The following AFDN variants were observed in gnomAD, a reference collection of about 807,000 sequenced individuals.
AFDN encodes the protein afadin.
AFDN carries 68 observed loss-of-function variants against 216.6 expected under a neutral mutation model. That is an observed-to-expected ratio of 0.31 (90% confidence interval 0.26 to 0.38). The LOEUF (loss-of-function observed/expected upper bound fraction) is 0.38. AFDN is among the 10% of genes least tolerant of loss of function. The probability of loss-of-function intolerance (pLI) is 1.00; values close to 1 mark genes in which losing one functional copy is unlikely to be tolerated. For missense variants in AFDN, 2,136 were observed against 2,342.0 expected, an observed-to-expected ratio of 0.91 and a Z score of 1.82; for synonymous variants, 868 against 853.7, an observed-to-expected ratio of 1.02 and a Z score of -0.29.
chr6:167,958,404 C>T (rs1462486241), intron 30 of AFDN, among the ~76,000 whole-genome samples: 3 of 152,208 alleles, frequency 2.0e-5, no homozygotes, highest in Non-Finnish European at 4.4e-5. Flanking sequence ...ATTCATATTA[C>T]GTGCCCTTTC....
chr6:167,901,250 C>T (rs1326192672), intron 11 of AFDN, among the ~76,000 whole-genome samples: 1 of 152,022 alleles, frequency 6.6e-6, no homozygotes, highest in African/African-American at 2.4e-5. Context: ...TGCAGAAATC[C>T]AGGAAATTTA....
chr6:167,862,626 C>T (rs574112136), intron 1 of AFDN, among the ~76,000 whole-genome samples: 74 of 152,352 alleles, frequency 4.9e-4, no homozygotes, highest in Non-Finnish European at 9.0e-4. Context: ...CCGCCCACCT[C>T]GGCCTCCCGA....
chr6:167,910,371 A>G (rs1387640970), intron 13 of AFDN, among the ~76,000 whole-genome samples: 5 of 152,244 alleles, frequency 3.3e-5, no homozygotes, highest in African/African-American at 1.2e-4. Context: ...TTTTGAATTA[A>G]TTTGATCTGA....
intron 1 of AFDN, among the ~76,000 whole-genome samples, chr6:167,849,615 G>T (rs755573053): frequency 1.3e-5 from 2 of 152,044 alleles, no homozygotes; most frequent in African/African-American, 2.4e-5. Flanking sequence ...CTTACCTAAA[G>T]AATTTGTTTC....
intron 10 of AFDN, among the ~76,000 whole-genome samples, chr6:167,897,891 A>G (rs1401407258): frequency 1.3e-5 from 2 of 151,926 alleles, no homozygotes; most frequent in African/African-American, 2.4e-5. Context: ...TGATCCGCCC[A>G]TCTCGGCCTC....
intron 4 of AFDN, among the ~76,000 whole-genome samples, chr6:167,873,342 C>G (rs1455319217): frequency 6.6e-6 from 1 of 152,140 alleles, no homozygotes; most frequent in African/African-American, 2.4e-5. Context: ...TGGATTTTCA[C>G]TTGATATTTT....
chr6:167,944,121 A>C lies in AFDN; in HGVS notation c.3358+62A>C, dbSNP rs116095459. The stretch of plus-strand genomic sequence containing the variant: ...CATGGCCTCTTTGAATGGTCACAAA[A>C]CCCCCATGGAGGAGGTACTGGTGTT... On this transcript the variant is annotated intron_variant, in intron 26 of 33. Coordinates refer to ENST00000683244, the MANE Select transcript of AFDN (RefSeq NM_001386888.1). 2.3e-3 allele frequency: 3,000 copies of C among 1,293,318 alleles called. 61 individuals are homozygous for C. The African/African-American group carries it at 0.037, about 16-fold the overall frequency. 80.1% of individuals were successfully genotyped at this position (1,293,318 alleles called of 1,614,324 possible). A position where few individuals can be genotyped will look rare whatever the true frequency, so the allele number is the denominator to read the frequency against.
intron 20 of AFDN, among the ~76,000 whole-genome samples, chr6:167,918,349 C>G (rs1275750010): frequency 6.6e-6 from 1 of 152,172 alleles, no homozygotes; most frequent in Non-Finnish European, 1.5e-5. Context: ...GGGCTTTTCC[C>G]TATATCATTA....
intron 21 of AFDN, among the ~76,000 whole-genome samples, chr6:167,919,235 C>T (rs551291479): frequency 6.6e-6 from 1 of 152,346 alleles, no homozygotes; most frequent in Admixed American, 6.5e-5. Flanking sequence ...GTTCTCCCTT[C>T]TTGGTATTTT....
chr6:167,870,322 G>T, intron 2 of AFDN, 64 bp from the exon 3 acceptor site: 1 of 952,402 alleles, frequency 1.0e-6, no homozygotes, highest in Non-Finnish European at 1.6e-6. Context: ...CAGAATGCTT[G>T]TATTAGCTAG....
intron 1 of AFDN, among the ~76,000 whole-genome samples, chr6:167,859,611 G>A (rs1223644674): frequency 6.6e-6 from 1 of 152,156 alleles, no homozygotes; most frequent in Non-Finnish European, 1.5e-5. Flanking sequence ...TTATCAAAAG[G>A]AGGTTTAGGG....
intron 33 of AFDN, 23 bp downstream of exon 33, chr6:167,969,221 A>G: frequency 4.4e-6 from 7 of 1,583,212 alleles, no homozygotes; most frequent in Non-Finnish European, 5.2e-6. Context: ...GCACTAGACG[A>G]GGAACTTCAT....
chr6:167,913,560 C>A, intron 16 of AFDN, 137 bp downstream of exon 16: 1 of 757,054 alleles, frequency 1.3e-6, no homozygotes, highest in Admixed American at 2.6e-5. Flanking sequence ...ACATGCAGTA[C>A]TAAAACCCTT....
At chr6:167,931,450 A>G (rs1333166186) in intron 23 of AFDN, among the ~76,000 whole-genome samples, 1 of 152,182 alleles carries the variant, frequency 6.6e-6, no homozygotes, top group Non-Finnish European at 1.5e-5. Flanking sequence ...GGATGTCAGC[A>G]TATAGATGCT....
chr6:167,947,018 AG>A, intron 27 of AFDN, 117 bp downstream of exon 27: 1 of 894,210 alleles, frequency 1.1e-6, no homozygotes. Flanking sequence ...TTGGCTAACT[AG>A]GATATGGTTT....
rs1305406729 is a variant in AFDN, at chr6:167,907,150, T to G, written c.1651-21T>G. 5 of 1,597,446 alleles carry G rather than the reference T, an allele frequency of 3.1e-6. No homozygotes were observed. The Admixed American group carries it at 5.0e-5, about 16-fold the overall frequency. The stretch of plus-strand genomic sequence containing the variant: ...TGGTCTGTGTGAGGTTCTAAACCCG[T>G]TGTGCTTTCTCTCCATGTAGAGCAC... On this transcript the variant is annotated intron_variant, in intron 12 of 33. Coordinates refer to ENST00000683244, the MANE Select transcript of AFDN (RefSeq NM_001386888.1).
chr6:167,868,629 C>T (rs1486575285), intron 2 of AFDN, among the ~76,000 whole-genome samples: 1 of 152,118 alleles, frequency 6.6e-6, no homozygotes, highest in Non-Finnish European at 1.5e-5. Context: ...ACATCTTTCT[C>T]TTGCAAGGAG....
At chr6:167,832,143 A>T (rs1779897755) in intron 1 of AFDN, among the ~76,000 whole-genome samples, 1 of 152,212 alleles carries the variant, frequency 6.6e-6, no homozygotes, top group Admixed American at 6.5e-5. Flanking sequence ...CAGAGATCAA[A>T]TGTATCTGTC....
chr6:167,828,799 T>G (rs958903794), intron 1 of AFDN, among the ~76,000 whole-genome samples: 3 of 151,090 alleles, frequency 2.0e-5, no homozygotes, highest in African/African-American at 7.3e-5. Flanking sequence ...GAGAGATTTC[T>G]CAAGTCTGGT....
Sources: gnomAD v4.1 joint callset for allele counts (sites outside exome capture counted in the v4.1 genomes callset) on GRCh38, gnomAD v4.1.1 for gene constraint, MANE v1.5 for transcripts, NCBI Gene and HGNC (gene_info 2026-07-23, HGNC 2026-07-21) for gene names.